OPTC: variants seen among roughly 807,000 people sequenced by gnomAD.
OPTC encodes the protein oculoglycan.
In OPTC, 22 loss-of-function variants were observed where a neutral mutation model predicts 25.4. That is an observed-to-expected ratio of 0.87 (90% confidence interval 0.62 to 1.24). OPTC has a LOEUF of 1.24. Among genes scored for constraint, OPTC ranks in the 50% most tolerant of loss-of-function variants. The probability of loss-of-function intolerance (pLI) is 0.00; values close to 1 mark genes in which losing one functional copy is unlikely to be tolerated. For missense variants in OPTC, 417 were observed against 425.2 expected (o/e 0.98, Z 0.17); for synonymous variants, 169 against 179.3 (o/e 0.94, Z 0.46).
chr1:203,502,992 C>A lies in OPTC; in HGVS notation c.811C>A (p.Arg271Ser), dbSNP rs369547783. The change falls in exon 6 of 8, where the codon CGC becomes AGC. Residue 271 changes from arginine (R) to serine (S), a missense_variant. Transcript: ENST00000367222. ...CCCGGGGCCTTTGCCCCTGAGCCTG[C>A]GCTCTGTACACCTGCAGGTAAGGAG... ...SIPGPLPLSL[R>S]SVHLQNNLIE... is the part of the protein sequence containing the mutation. 1 of 1,613,554 alleles carries A rather than the reference C, an allele frequency of 6.2e-7. No individual in the cohort carries two copies.
At chr1:203,502,725 T>C (rs962090001) in intron 5 of OPTC, among the ~76,000 whole-genome samples, 189 bp from the exon 6 acceptor site, 2 of 152,218 alleles carry the variant, frequency 1.3e-5, no homozygotes, top group African/African-American at 4.8e-5. Context: ...CAGTTGGAGT[T>C]AGTGTCTGTA....
Position 203,498,692 on chromosome 1 carries a change from T to A in OPTC, c.382T>A (p.Cys128Ser). The change falls in exon 4 of 8, where the codon TGC becomes AGC. Residue 128 changes from cysteine to serine, a missense_variant. Coordinates refer to ENST00000367222, the MANE Select transcript of OPTC (RefSeq NM_014359.4). ...TCCACCTGGGCCAGGTCTGCCCACCTGCCTGGTCTGCGTGTGCCTCGGTTC... is the reference window on the plus strand; with the variant it reads ...TCCACCTGGGCCAGGTCTGCCCACCAGCCTGGTCTGCGTGTGCCTCGGTTC... ...SSQPNHGLPT[C>S]LVCVCLGSSV... 1 of 1,614,238 alleles carries A rather than the reference T, an allele frequency of 6.2e-7. No individual in the cohort carries two copies. The highest frequency in any genetic ancestry group is 1.1e-5 in the South Asian group (1 of 91,086).
At position 203,496,264 on chromosome 1, in the gene OPTC, T is replaced by G. The variant is rs28446858; in HGVS notation, c.231+28T>G. On this transcript the variant is annotated intron_variant, in intron 2 of 7. Coordinates refer to ENST00000367222, the MANE Select transcript of OPTC (RefSeq NM_014359.4). ...GAGGGACACAGCAGACCAACTACATTCCCTGCATGACACTGGGAGTCAGAG... is the reference window on the plus strand; with the variant it reads ...GAGGGACACAGCAGACCAACTACATGCCCTGCATGACACTGGGAGTCAGAG... The G allele has an allele frequency of 0.056, 85,814 of 1,542,504 alleles. 3,508 individuals carry two copies. Among genetic ancestry groups the G allele is most frequent in the African/African-American group, 0.19 (14,018 of 73,340 alleles).
intron 5 of OPTC, among the ~76,000 whole-genome samples, 190 bp downstream of exon 5, chr1:203,500,041 C>A (rs533057101): frequency 3.8e-5 from 3 of 78,756 alleles, no homozygotes; most frequent in African/African-American, 1.4e-4. Context: ...ACCGCCACCA[C>A]CACCACCTAC....
At chr1:203,506,856 A>G (rs990587076) in intron 7 of OPTC, among the ~76,000 whole-genome samples, 2 of 152,200 alleles carry the variant, frequency 1.3e-5, no homozygotes, top group African/African-American at 2.4e-5. Context: ...CCACACTCCA[A>G]TGCAGACACC....
intron 7 of OPTC, among the ~76,000 whole-genome samples, chr1:203,504,029 G>GCACCCAC (rs1392089143): frequency 1.3e-5 from 2 of 152,140 alleles, no homozygotes; most frequent in Non-Finnish European, 1.5e-5. Context: ...CCCATCTCTT[G>GCACCCAC]CACCCACACA....
chr1:203,497,397 T>C (rs894993936), intron 3 of OPTC, among the ~76,000 whole-genome samples: 10 of 152,218 alleles, frequency 6.6e-5, no homozygotes, highest in Non-Finnish European at 4.4e-5. Context: ...AAAGCCACCC[T>C]GCCTTAATTA....
intron 1 of OPTC, among the ~76,000 whole-genome samples, chr1:203,495,226 C>T (rs1012205272): frequency 2.6e-5 from 4 of 152,100 alleles, no homozygotes; most frequent in African/African-American, 9.7e-5. Flanking sequence ...TTATAAAAAA[C>T]CACAAGAGTC....
In OPTC at chr1:203,503,555, C is replaced by A. The variant is rs200109409; in HGVS notation, c.834C>A (p.Asn278Lys). The stretch of plus-strand genomic sequence containing the variant: ...CTGGTATGTGTTCTTCCCAGAATAA[C>A]CTGATAGAGACCATGCAGAGAGACG... ...LSLRSVHLQN[N>K]LIETMQRDVF... is the part of the protein sequence containing the mutation. Residue 278 changes from asparagine to lysine, a missense_variant, in exon 7 of 8, where the codon AAC becomes AAA. Coordinates refer to ENST00000367222, the MANE Select transcript of OPTC (RefSeq NM_014359.4). 7.1e-5 allele frequency: 114 copies of A among 1,613,352 alleles called. 1 individual carries two copies. Among genetic ancestry groups the A allele is most frequent in the Middle Eastern group, 6.6e-4 (4 of 6,084 alleles).
intron 7 of OPTC, among the ~76,000 whole-genome samples, chr1:203,505,738 C>T (rs747583418): frequency 1.2e-4 from 18 of 152,090 alleles, no homozygotes; most frequent in South Asian, 2.1e-4. Flanking sequence ...GACTTCATGC[C>T]GTCATGGTAC....
chr1:203,495,401 A>T (rs188314133), intron 1 of OPTC, among the ~76,000 whole-genome samples: 190 of 152,310 alleles, frequency 1.2e-3, no homozygotes, highest in African/African-American at 4.0e-3. Context: ...CTGTAATCCC[A>T]GCTACTCAGG....
At chr1:203,505,947 TCAGA>T (rs1347817355) in intron 7 of OPTC, among the ~76,000 whole-genome samples, 1 of 131,574 alleles carries the variant, frequency 7.6e-6, no homozygotes, top group African/African-American at 2.8e-5. Context: ...TCTCTCTCTC[TCAGA>T]GTGTGTGTGT....
chr1:203,501,531 G>A (rs1571599666), intron 5 of OPTC, among the ~76,000 whole-genome samples: 1 of 152,220 alleles, frequency 6.6e-6, no homozygotes, highest in African/African-American at 2.4e-5. Context: ...GTTCGCCCAT[G>A]TGCTCTCTCT....
intron 7 of OPTC, among the ~76,000 whole-genome samples, chr1:203,505,022 TCTC>T (rs1661456069): frequency 6.6e-6 from 1 of 152,142 alleles, no homozygotes; most frequent in Admixed American, 6.5e-5. Flanking sequence ...ATGCCACCCT[TCTC>T]CTGACCGTTA....
chr1:203,498,756 C>T lies in OPTC; in HGVS notation c.446C>T (p.Pro149Leu), dbSNP rs1327588141. Residue 149 changes from proline (P) to leucine (L), a missense_variant, in exon 4 of 8, where the codon CCT becomes CTT. Coordinates refer to ENST00000367222, the MANE Select transcript of OPTC (RefSeq NM_014359.4). Reference protein sequence around the residue: ...YCDDIDLEDIPPLPRRTAYLY... With the variant: ...YCDDIDLEDILPLPRRTAYLY... ...GATGACATTGACCTAGAGGACATTC[C>T]TCCTCTTCCTCGGAGGACTGCCTAC... 5 of 1,614,066 alleles carry T rather than the reference C, an allele frequency of 3.1e-6. No individual in the cohort carries two copies. Among genetic ancestry groups the T allele is most frequent in the Non-Finnish European group, 3.4e-6 (4 of 1,179,950 alleles).
intron 4 of OPTC, 28 bp from the exon 5 acceptor site, chr1:203,499,621 C>T: frequency 6.3e-7 from 1 of 1,584,676 alleles, no homozygotes; most frequent in Non-Finnish European, 8.7e-7. Flanking sequence ...TCTGGTTTCT[C>T]TCTTTGTTCT....
chr1:203,504,446 G>A (rs993858401), intron 7 of OPTC, among the ~76,000 whole-genome samples: 1 of 152,126 alleles, frequency 6.6e-6, no homozygotes, highest in Non-Finnish European at 1.5e-5. Context: ...GGCCATGGTA[G>A]GGGTATTTAC....
intron 6 of OPTC, 44 bp from the exon 7 acceptor site, chr1:203,503,506 G>A: frequency 6.3e-7 from 1 of 1,599,010 alleles, no homozygotes; most frequent in African/African-American, 1.3e-5. Flanking sequence ...TGCTTAAGGG[G>A]CAGAGCCTCT....
At chr1:203,498,234 T>TA (rs1661309972) in intron 3 of OPTC, among the ~76,000 whole-genome samples, 2 of 152,226 alleles carry the variant, frequency 1.3e-5, no homozygotes, top group African/African-American at 4.8e-5. Context: ...ACCTTGGTTC[T>TA]ATTGTGCTTC....
Sources: gnomAD v4.1 joint callset for allele counts (sites outside exome capture counted in the v4.1 genomes callset) on GRCh38, gnomAD v4.1.1 for gene constraint, MANE v1.5 for transcripts, NCBI Gene and HGNC (gene_info 2026-07-23, HGNC 2026-07-21) for gene names.